The following TRIQK variants were observed in gnomAD, a reference collection of about 807,000 sequenced individuals.
The protein encoded by TRIQK is triple QxxK/R motif containing, also known as triple QxxK/R motif-containing protein.
A neutral mutation model predicts 10.8 loss-of-function variants in TRIQK; 10 were observed. The ratio of observed to expected loss-of-function variants is 0.92; its 90% CI spans 0.57 to 1.57. The LOEUF (loss-of-function observed/expected upper bound fraction) is 1.57, where lower values mean the gene tolerates loss of function less well. Among genes scored for constraint, TRIQK ranks in the 40% most tolerant of loss-of-function variants. The pLI is 0.00. For missense variants in TRIQK, 107 were observed against 97.7 expected, an observed-to-expected ratio of 1.09 and a Z score of -0.40; for synonymous variants, 33 against 33.7, an observed-to-expected ratio of 0.98 and a Z score of 0.07.
chr8:92,925,693 A>G (rs1053825600), intron 2 of TRIQK, among the ~76,000 whole-genome samples: 2 of 152,186 alleles, frequency 1.3e-5, no homozygotes, highest in Non-Finnish European at 2.9e-5. Context: ...ATTCTACTAC[A>G]TATCTACTAG....
intron 1 of TRIQK, among the ~76,000 whole-genome samples, chr8:92,957,754 A>G (rs1251532630): frequency 6.6e-6 from 1 of 151,930 alleles, no homozygotes; most frequent in Non-Finnish European, 1.5e-5. Flanking sequence ...GCCAGAACAG[A>G]TTACGTTTTT....
intron 3 of TRIQK, among the ~76,000 whole-genome samples, chr8:92,907,060 G>C (rs1228340948): frequency 1.3e-5 from 2 of 152,196 alleles, no homozygotes; most frequent in Non-Finnish European, 2.9e-5. Context: ...GAAAATGGGA[G>C]AGAAAGAGAT....
chr8:92,975,925 G>C (rs1480948727), intron 1 of TRIQK, among the ~76,000 whole-genome samples: 1 of 151,558 alleles, frequency 6.6e-6, no homozygotes, highest in Non-Finnish European at 1.5e-5. Flanking sequence ...ATGACTAATG[G>C]GTTACTTAGA....
Position 92,886,686 on chromosome 8 carries a change from T to A in TRIQK, c.197A>T (p.Tyr66Phe), listed in dbSNP as rs1276518713. Residue 66 changes from tyrosine to phenylalanine, a missense_variant, in exon 5 of 5, where the codon TAT becomes TTT. Transcript: ENST00000521988. ...GGTGAGTCTGAGATAAAAGAAAGCA[T>A]AGAAAGCCAGTAGTAGTGCCAATAT... ...AAILALLLAF[Y>F]AFFYLRLTTD... 5 of 1,532,218 alleles carry A rather than the reference T, an allele frequency of 3.3e-6. No homozygotes were observed. The South Asian group carries it at 4.8e-5, about 15-fold the overall frequency. The allele number at this position is 1,532,218 out of a possible 1,614,324, so 94.9% of individuals were successfully genotyped here.
At chr8:92,987,620 T>C (rs1813047578) in intron 1 of TRIQK, among the ~76,000 whole-genome samples, 1 of 152,176 alleles carries the variant, frequency 6.6e-6, no homozygotes, top group Non-Finnish European at 1.5e-5. Context: ...TAGTAAATAA[T>C]AATCAAAATT....
At chr8:92,984,952 T>G (rs1813018632) in intron 1 of TRIQK, among the ~76,000 whole-genome samples, 1 of 152,206 alleles carries the variant, frequency 6.6e-6, no homozygotes, top group African/African-American at 2.4e-5. Flanking sequence ...CTCTTGTTAC[T>G]TCTGAGATAA....
chr8:93,001,123 C>T (rs371748838), intron 1 of TRIQK, among the ~76,000 whole-genome samples: 19 of 151,876 alleles, frequency 1.3e-4, no homozygotes, highest in South Asian at 1.2e-3. Context: ...CTGGCTAACA[C>T]GGTGAAACCC....
intron 1 of TRIQK, 104 bp downstream of exon 1, chr8:92,965,903 A>C (rs1435581656): frequency 2.0e-5 from 3 of 152,402 alleles, no homozygotes; most frequent in African/African-American, 7.2e-5. Context: ...ATCGTCTCCC[A>C]AACGCTTTAG....
chr8:92,971,487 T>A lies in TRIQK; in HGVS notation c.-180-16923A>T, dbSNP rs183289217. 5.3e-5 allele frequency among the ~76,000 whole-genome samples: 8 copies of A among 151,944 alleles called. No individual in the cohort carries two copies. In the South Asian group the frequency reaches 8.3e-4, roughly 16 times the overall value. On this transcript the variant is annotated intron_variant, in intron 1 of 4. Coordinates refer to the TRIQK transcript ENST00000520686. ...TCAATGTGCAAAAATCACAAGCAAT[T>A]TTATACACCAACAATAGACAAGCAG...
intron 2 of TRIQK, among the ~76,000 whole-genome samples, chr8:92,924,921 A>C (rs920761385): frequency 2.6e-5 from 4 of 152,046 alleles, no homozygotes; most frequent in African/African-American, 9.7e-5. Context: ...GTTCACCTAT[A>C]CTTTGACAAA....
intron 1 of TRIQK, among the ~76,000 whole-genome samples, chr8:92,988,978 T>G (rs1813066357): frequency 6.6e-6 from 1 of 152,162 alleles, no homozygotes; most frequent in African/African-American, 2.4e-5. Context: ...ATTCTAAATT[T>G]TATTCAGAAA....
intron 3 of TRIQK, among the ~76,000 whole-genome samples, chr8:92,907,201 G>A (rs1303223036): frequency 6.6e-6 from 1 of 152,040 alleles, no homozygotes; most frequent in Non-Finnish European, 1.5e-5. Context: ...TTTTTCTCTG[G>A]AATCATGGCT....
chr8:92,951,458 C>T (rs1242739627), intron 2 of TRIQK, among the ~76,000 whole-genome samples: 2 of 151,990 alleles, frequency 1.3e-5, no homozygotes, highest in South Asian at 2.1e-4. Context: ...GACAGAAACC[C>T]GTGAGAGGAA....
intron 2 of TRIQK, among the ~76,000 whole-genome samples, chr8:92,945,532 A>G (rs1241785172): frequency 6.6e-6 from 1 of 152,206 alleles, no homozygotes; most frequent in Non-Finnish European, 1.5e-5. Context: ...TTTCTTCCTC[A>G]ATCTAACTGA....
chr8:92,949,796 AAGAAAGAAAG>A (rs759756418), intron 2 of TRIQK, among the ~76,000 whole-genome samples: 52 of 88,828 alleles, frequency 5.9e-4, no homozygotes, highest in Non-Finnish European at 9.2e-4. Context: ...GAAAGAAAGA[AAGAAAGAAAG>A]AAAGAAAGAA....
intron 2 of TRIQK, among the ~76,000 whole-genome samples, chr8:92,926,751 T>G (rs151226716): frequency 0.011 from 1,647 of 152,290 alleles, 13 homozygotes; most frequent in Non-Finnish European, 0.017. Context: ...TAGAGGGATA[T>G]CTATGCAGTA....
At chr8:92,952,894 T>C (rs1370695795) in intron 2 of TRIQK, among the ~76,000 whole-genome samples, 1 of 152,052 alleles carries the variant, frequency 6.6e-6, no homozygotes, top group Non-Finnish European at 1.5e-5. Context: ...GCTGCAGTGA[T>C]CATGGAAGTA....
chr8:92,884,856 G>A lies in TRIQK; in HGVS notation c.*1766C>T. ...TAAATGTGATGGGAGTGGGGGGGTGGGGAGCAGTATTTCTTGACATGTGGC... is the reference window on the plus strand; with the variant it reads ...TAAATGTGATGGGAGTGGGGGGGTGAGGAGCAGTATTTCTTGACATGTGGC... On this transcript the variant is annotated 3_prime_UTR_variant, in exon 5 of 5. Transcript: ENST00000521988. 1 of 455,838 alleles carries A rather than the reference G, an allele frequency of 2.2e-6. No homozygotes were observed. The highest frequency in any genetic ancestry group is 4.4e-6 in the Non-Finnish European group (1 of 226,610). The allele number at this position is 455,838 out of a possible 1,614,324, so 28.2% of individuals were successfully genotyped here.
chr8:92,904,673 G>A (rs1809156377), intron 3 of TRIQK, among the ~76,000 whole-genome samples: 1 of 152,060 alleles, frequency 6.6e-6, no homozygotes, highest in African/African-American at 2.4e-5. Flanking sequence ...TCCTACTGCA[G>A]GAGTAGATAA....
Sources: gnomAD v4.1 joint callset for allele counts (sites outside exome capture counted in the v4.1 genomes callset) on GRCh38, gnomAD v4.1.1 for gene constraint, MANE v1.5 for transcripts, NCBI Gene and HGNC (gene_info 2026-07-23, HGNC 2026-07-21) for gene names.